The following GPALPP1 variants were observed in gnomAD, a reference collection of about 807,000 sequenced individuals.
GPALPP1 encodes GPALPP motifs containing 1.
In GPALPP1, 30 loss-of-function variants were observed where a neutral mutation model predicts 38.9. The observed-to-expected ratio is 0.77, with a 90% CI of 0.58 to 1.05. The LOEUF is 1.05. Ranked by LOEUF, GPALPP1 falls within the 50% of genes least tolerant of loss-of-function variation. GPALPP1 has a pLI of 0.00. For synonymous variants in GPALPP1, 120 were observed against 139.2 expected, an observed-to-expected ratio of 0.86 and a Z score of 0.97; for missense variants, 384 against 408.8, an observed-to-expected ratio of 0.94 and a Z score of 0.52.
At chr13:45,005,723 A>T (rs1211994388) in intron 2 of GPALPP1, among the ~76,000 whole-genome samples, 2 of 152,192 alleles carry the variant, frequency 1.3e-5, no homozygotes, top group Non-Finnish European at 2.9e-5. Flanking sequence ...GGAAAAGACT[A>T]GTTACGAACT....
intron 4 of GPALPP1, among the ~76,000 whole-genome samples, chr13:45,010,350 A>G (rs1874382149): frequency 6.6e-6 from 1 of 152,110 alleles, no homozygotes; most frequent in Non-Finnish European, 1.5e-5. Context: ...AAAATATGCT[A>G]ACCTCCTCTT....
chr13:45,019,879 A>AT (rs34893767), intron 6 of GPALPP1, among the ~76,000 whole-genome samples: 65,285 of 85,740 alleles, frequency 0.76, 25,772 homozygotes, highest in South Asian at 0.85. Flanking sequence ...TAATATTTTG[A>AT]TTTTTTTTTT....
intron 1 of GPALPP1, among the ~76,000 whole-genome samples, chr13:44,993,997 G>T (rs1873054754): frequency 6.6e-6 from 1 of 151,748 alleles, no homozygotes; most frequent in South Asian, 2.1e-4. Flanking sequence ...AGCACTTTGG[G>T]AAGCTGAGGC....
Position 45,026,781 on chromosome 13 carries a change from G to A in GPALPP1, c.805-1004G>A, listed in dbSNP as rs1029320332. On this transcript the variant is annotated intron_variant, in intron 7 of 7. Coordinates refer to ENST00000379151, the MANE Select transcript of GPALPP1 (RefSeq NM_018559.5). ...GGAGAAATGTGTTTCAGACACAGAA[G>A]GACACAGAACCCTCCTGTGTTTACA... is the stretch of plus-strand genomic sequence containing the variant. Among the ~76,000 whole-genome samples the A allele has an allele frequency of 3.3e-5, 5 of 152,130 alleles. No homozygotes were observed. The East Asian group carries it at 9.6e-4, about 29-fold the overall frequency.
At chr13:45,000,337 G>A (rs1347904911) in intron 1 of GPALPP1, among the ~76,000 whole-genome samples, 1 of 152,192 alleles carries the variant, frequency 6.6e-6, no homozygotes, top group Non-Finnish European at 1.5e-5. Context: ...GGCCGAGATG[G>A]GAGGATCGCT....
intron 1 of GPALPP1, among the ~76,000 whole-genome samples, chr13:44,998,629 CTTCT>C (rs1370846452): frequency 3.9e-5 from 6 of 152,214 alleles, no homozygotes; most frequent in African/African-American, 7.2e-5. Flanking sequence ...CAGTCCCCAC[CTTCT>C]TTGCCCAGCT....
chr13:45,007,393 T>C (rs1874175725), intron 3 of GPALPP1, among the ~76,000 whole-genome samples: 1 of 152,202 alleles, frequency 6.6e-6, no homozygotes, highest in East Asian at 1.9e-4. Context: ...TAACATGCCA[T>C]GGTTTTATTC....
downstream of GPALPP1, among the ~76,000 whole-genome samples, chr13:45,032,365 T>G (rs1876239455): frequency 6.6e-6 from 1 of 151,922 alleles, no homozygotes; most frequent in South Asian, 2.1e-4. Flanking sequence ...TAGCAACCAC[T>G]TGACATTTAA....
chr13:45,007,801 A>G (rs915265238), intron 3 of GPALPP1, among the ~76,000 whole-genome samples: 12 of 152,232 alleles, frequency 7.9e-5, no homozygotes, highest in African/African-American at 2.7e-4. Context: ...ACACTGGCAC[A>G]GTGACAACTA....
In GPALPP1 at chr13:45,028,328, G is replaced by C. The variant is rs1875988824; in HGVS notation, c.*325G>C. On this transcript the variant is annotated 3_prime_UTR_variant, in exon 8 of 8. Coordinates refer to ENST00000379151, the MANE Select transcript of GPALPP1 (RefSeq NM_018559.5). ...CATGCTTTATTAAAGATGAAGAAAG[G>C]CTTGCTGGTTGTTTGTATGTTAAAC... is the stretch of plus-strand genomic sequence containing the variant. 1.2e-5 allele frequency: 2 copies of C among 160,716 alleles called. No homozygotes were observed. The highest frequency in any genetic ancestry group is 2.4e-5 in the African/African-American group (1 of 41,636). 10.0% of individuals were successfully genotyped at this position (160,716 alleles called of 1,614,324 possible).
At chr13:44,999,558 G>A (rs906820935) in intron 1 of GPALPP1, among the ~76,000 whole-genome samples, 4 of 152,084 alleles carry the variant, frequency 2.6e-5, no homozygotes, top group East Asian at 1.9e-4. Flanking sequence ...GTATTGTGGC[G>A]TATACTGACT....
intron 1 of GPALPP1, among the ~76,000 whole-genome samples, chr13:44,996,900 A>T (rs1873333435): frequency 6.6e-6 from 1 of 150,396 alleles, no homozygotes. Context: ...CATTAAATAC[A>T]TTCAGATGAT....
In GPALPP1 at chr13:45,008,817, C is replaced by A. The variant is rs773617980; in HGVS notation, c.346C>A (p.Pro116Thr). The A allele has an allele frequency of 8.8e-6, 14 of 1,590,174 alleles. No homozygotes were observed. Among genetic ancestry groups the A allele is most frequent in the Non-Finnish European group, 1.2e-5 (14 of 1,158,710 alleles). Residue 116 changes from proline (P) to threonine (T), a missense_variant, in exon 4 of 8, where the codon CCA becomes ACA. By Grantham distance (38) the Pro-to-Thr change is conservative (BLOSUM62 -1). Transcript: ENST00000379151. ...PPRPIIGPAL[P>T]PGFIKSTQKS... ...CAGGCCCATAATAGGTCCTGCATTGCCACCTGGTTTCATTAAATCTACACA... is the reference window on the plus strand; with the variant it reads ...CAGGCCCATAATAGGTCCTGCATTGACACCTGGTTTCATTAAATCTACACA...
intron 3 of GPALPP1, among the ~76,000 whole-genome samples, chr13:45,006,980 T>C (rs1874147838): frequency 6.6e-6 from 1 of 151,902 alleles, no homozygotes; most frequent in Admixed American, 6.6e-5. Flanking sequence ...TATACCAATA[T>C]GCAAGAACAA....
chr13:45,008,315 AC>A (rs1348860635), intron 3 of GPALPP1, among the ~76,000 whole-genome samples: 5 of 152,220 alleles, frequency 3.3e-5, no homozygotes, highest in Admixed American at 6.5e-5. Flanking sequence ...CATTGTCTGC[AC>A]ATGCTATATA....
intron 1 of GPALPP1, among the ~76,000 whole-genome samples, chr13:44,993,179 T>G (rs1189921649): frequency 6.6e-6 from 1 of 152,224 alleles, no homozygotes; most frequent in Non-Finnish European, 1.5e-5. Context: ...TAGACTACAT[T>G]TTGTTTATTC....
At chr13:45,034,440 T>A (rs2138030742), downstream of GPALPP1, 1 of 152,196 alleles carries the variant, frequency 6.6e-6, no homozygotes, top group East Asian at 1.9e-4. Context: ...CTAGTTAGAG[T>A]GATAAGAAGT....
exon 8 of GPALPP1, chr13:45,037,206 A>G (rs1160303743): frequency 6.6e-6 from 1 of 152,230 alleles, no homozygotes; most frequent in Non-Finnish European, 1.5e-5. Flanking sequence ...TAAAGTATTT[A>G]GTCCTAGTTT....
chr13:45,015,026 G>A lies in GPALPP1; in HGVS notation c.483G>A (p.Thr161=), dbSNP rs201985726. The part of the protein sequence containing the change: ...PAKGPVNYNV[T]TEFEKRAQRM... ...AAGGACCAGTTAACTATAATGTAAC[G>A]ACAGAGTTTGAAAAAAGGGCCCAGA... Residue 161 remains threonine (T), a synonymous_variant, in exon 5 of 8, where the codon ACG becomes ACA. Coordinates refer to ENST00000379151, the MANE Select transcript of GPALPP1 (RefSeq NM_018559.5). 27 of 1,608,076 alleles carry A rather than the reference G, an allele frequency of 1.7e-5. No homozygotes were observed. The highest frequency in any genetic ancestry group is 1.3e-4 in the African/African-American group (10 of 74,824).
Sources: allele counts gnomAD v4.1 joint callset (sites outside exome capture counted in the v4.1 genomes callset), GRCh38; gene constraint gnomAD v4.1.1; transcripts MANE v1.5; gene names NCBI Gene and HGNC (gene_info 2026-07-23, HGNC 2026-07-21).